Variants in TBC1D32 observed in about 807,000 individuals in gnomAD.
The protein encoded by TBC1D32 is protein broad-minded.
In TBC1D32, 151 loss-of-function variants were observed where a neutral mutation model predicts 170.3. The ratio of observed to expected loss-of-function variants is 0.89; its 90% CI spans 0.78 to 1.01. The LOEUF (loss-of-function observed/expected upper bound fraction) is 1.01. Ranked by LOEUF, TBC1D32 falls within the 50% of genes least tolerant of loss-of-function variation. The pLI is 0.00. For missense variants in TBC1D32, 1,464 were observed against 1,457.1 expected, an observed-to-expected ratio of 1.00 and a Z score of -0.08; for synonymous variants, 498 against 488.0, an observed-to-expected ratio of 1.02 and a Z score of -0.27.
chr6:121,271,032 G>A (rs971809618), intron 15 of TBC1D32, among the ~76,000 whole-genome samples: 1 of 152,120 alleles, frequency 6.6e-6, no homozygotes. Context: ...CTCAATAGAT[G>A]CAGAAAAGGC....
At chr6:121,203,267 A>G (rs1791829739) in intron 22 of TBC1D32, among the ~76,000 whole-genome samples, 1 of 151,414 alleles carries the variant, frequency 6.6e-6, no homozygotes, top group Admixed American at 6.6e-5. Context: ...TTACAAATAT[A>G]CCTGACCTAA....
intron 15 of TBC1D32, among the ~76,000 whole-genome samples, chr6:121,271,517 C>T (rs1370742672): frequency 6.6e-6 from 1 of 152,064 alleles, no homozygotes; most frequent in Non-Finnish European, 1.5e-5. Flanking sequence ...TTCACAATTG[C>T]TTCAAAGAGA....
At chr6:121,216,997 T>A (rs891061124) in intron 21 of TBC1D32, among the ~76,000 whole-genome samples, 1 of 152,208 alleles carries the variant, frequency 6.6e-6, no homozygotes, top group Non-Finnish European at 1.5e-5. Flanking sequence ...CTGGAGAAAC[T>A]GCAAAGATTA....
At chr6:121,113,253 A>T in intron 27 of TBC1D32, 76 bp from the exon 28 acceptor site, 1 of 935,974 alleles carries the variant, frequency 1.1e-6, no homozygotes, top group African/African-American at 1.7e-5. Context: ...CTTTTAGCAT[A>T]ACTATGTTAT....
At chr6:121,087,326 A>T (rs1235786418) in intron 31 of TBC1D32, among the ~76,000 whole-genome samples, 2 of 152,184 alleles carry the variant, frequency 1.3e-5, no homozygotes, top group African/African-American at 4.8e-5. Flanking sequence ...ATTCCAACTT[A>T]TCTTTTTAAT....
intron 21 of TBC1D32, 109 bp downstream of exon 21, chr6:121,223,127 T>A (rs1232092470): frequency 5.9e-6 from 4 of 672,668 alleles, no homozygotes; most frequent in Non-Finnish European, 9.9e-6. Context: ...AGCCCTTAAA[T>A]GCCATTACAT....
In TBC1D32 at chr6:121,279,251, C is replaced by T. The variant is rs1168830669; in HGVS notation, c.1609-6G>A. Reference sequence around the variant, plus strand: ...TCAGAGCAATTTGGAGATGCCTGTACATTAAAAAGAAAACAAGACAAATCA... The same window carrying T: ...TCAGAGCAATTTGGAGATGCCTGTATATTAAAAAGAAAACAAGACAAATCA... On this transcript the variant is annotated splice_polypyrimidine_tract_variant and splice_region_variant and intron_variant, in intron 14 of 31. Transcript: ENST00000398212. 1.3e-6 allele frequency: 2 copies of T among 1,597,942 alleles called. No homozygotes were observed. Among genetic ancestry groups the T allele is most frequent in the East Asian group, 2.2e-5 (1 of 44,566 alleles).
intron 1 of TBC1D32, among the ~76,000 whole-genome samples, chr6:121,325,291 A>C (rs1194667785): frequency 6.6e-6 from 1 of 152,118 alleles, no homozygotes; most frequent in East Asian, 1.9e-4. Flanking sequence ...AAGAATCAGA[A>C]CATCTGATAT....
chr6:121,082,102 T>C (rs1192341643), intron 31 of TBC1D32, among the ~76,000 whole-genome samples: 1 of 152,060 alleles, frequency 6.6e-6, no homozygotes, highest in African/African-American at 2.4e-5. Flanking sequence ...TCTTCACTCA[T>C]TCATTCTCTT....
intron 29 of TBC1D32, among the ~76,000 whole-genome samples, chr6:121,111,803 T>A (rs1779233825): frequency 6.6e-6 from 1 of 152,146 alleles, no homozygotes; most frequent in Admixed American, 6.5e-5. Context: ...TACTTGCCAA[T>A]CTCCTTAGTT....
At chr6:121,278,978 A>C (rs1412485394) in intron 15 of TBC1D32, 143 bp downstream of exon 15, 3 of 830,336 alleles carry the variant, frequency 3.6e-6, no homozygotes, top group Non-Finnish European at 5.3e-6. Context: ...TTTTGAAATT[A>C]CAGACGTCAA....
chr6:121,313,085 A>G (rs1808440630), intron 3 of TBC1D32, among the ~76,000 whole-genome samples: 1 of 142,522 alleles, frequency 7.0e-6, no homozygotes, highest in South Asian at 2.3e-4. Flanking sequence ...CAGGCACACA[A>G]TGCCATGCCA....
Position 121,329,660 on chromosome 6 carries a change from AT to A in TBC1D32, c.155+4615del, listed in dbSNP as rs151241814. On this transcript the variant is annotated intron_variant, in intron 1 of 31. Transcript: ENST00000398212. The stretch of plus-strand genomic sequence containing the variant: ...AGAGTGAGACATCGTCTCAAAAAAA[AT>A]AAATAAATAAAATAAAAAAATAAAA... Among the ~76,000 whole-genome samples the A allele has an allele frequency of 8.6e-3, 1,313 of 152,190 alleles. 24 individuals carry two copies. Among genetic ancestry groups the A allele is most frequent in the African/African-American group, 0.03 (1,240 of 41,484 alleles).
At chr6:121,270,168 T>G (rs1293774190) in intron 15 of TBC1D32, among the ~76,000 whole-genome samples, 1 of 151,672 alleles carries the variant, frequency 6.6e-6, no homozygotes, top group Admixed American at 6.6e-5. Context: ...CAGGAAAGAT[T>G]TAAAATTGAC....
intron 1 of TBC1D32, among the ~76,000 whole-genome samples, chr6:121,330,034 T>C (rs974663851): frequency 1.3e-5 from 2 of 152,040 alleles, no homozygotes; most frequent in Non-Finnish European, 2.9e-5. Context: ...ACAGAATGAA[T>C]ACTTTCTTAT....
chr6:121,101,747 G>T (rs1436490472), intron 30 of TBC1D32, among the ~76,000 whole-genome samples: 1 of 152,082 alleles, frequency 6.6e-6, no homozygotes, highest in Non-Finnish European at 1.5e-5. Flanking sequence ...GGGCATTCAG[G>T]CAAGAGAAAG....
intron 22 of TBC1D32, among the ~76,000 whole-genome samples, chr6:121,192,111 CCT>C (rs1444300472): frequency 7.0e-6 from 1 of 142,920 alleles, no homozygotes; most frequent in Non-Finnish European, 1.5e-5. Flanking sequence ...TCTGGGGAAC[CCT>C]GACTAATACA....
chr6:121,305,618 T>G (rs1807211692), intron 5 of TBC1D32, among the ~76,000 whole-genome samples: 1 of 152,076 alleles, frequency 6.6e-6, no homozygotes. Flanking sequence ...TGAAAATATC[T>G]TCTAATGGCC....
intron 1 of TBC1D32, among the ~76,000 whole-genome samples, chr6:121,327,240 T>C (rs961600240): frequency 5.9e-5 from 9 of 152,126 alleles, no homozygotes; most frequent in Non-Finnish European, 1.2e-4. Context: ...AATATACCCA[T>C]GTAACAAACC....
Sources: gnomAD v4.1 joint callset for allele counts (sites outside exome capture counted in the v4.1 genomes callset) on GRCh38, gnomAD v4.1.1 for gene constraint, MANE v1.5 for transcripts, NCBI Gene and HGNC (gene_info 2026-07-23, HGNC 2026-07-21) for gene names.